Variants in ROBO2 observed in about 807,000 individuals in gnomAD.
The protein encoded by ROBO2 is roundabout homolog 2.
A neutral mutation model predicts 160.8 loss-of-function variants in ROBO2; 53 were observed. The ratio of observed to expected loss-of-function variants is 0.33; its 90% CI spans 0.26 to 0.41. The LOEUF is 0.41. Ranked by LOEUF, ROBO2 falls within the 10% of genes least tolerant of loss-of-function variation. ROBO2 has a pLI of 1.00. For missense variants in ROBO2, 1,577 were observed against 1,722.4 expected (o/e 0.92, Z 1.49); for synonymous variants, 664 against 611.7 (o/e 1.09, Z -1.26).
intron 2 of ROBO2, among the ~76,000 whole-genome samples, chr3:76,325,632 G>A (rs1481206979): frequency 6.6e-6 from 1 of 151,536 alleles, no homozygotes; most frequent in Non-Finnish European, 1.5e-5. Flanking sequence ...AGCAGGTGAT[G>A]TTGAATAAGT....
At chr3:77,298,787 A>T (rs978049186) in intron 2 of ROBO2, among the ~76,000 whole-genome samples, 4 of 152,280 alleles carry the variant, frequency 2.6e-5, no homozygotes, top group African/African-American at 9.6e-5. Flanking sequence ...TCCTGTGTGC[A>T]TGGGAGTGTG....
chr3:77,172,074 T>C (rs2079694074), intron 2 of ROBO2, among the ~76,000 whole-genome samples: 1 of 152,214 alleles, frequency 6.6e-6, no homozygotes, highest in South Asian at 2.1e-4. Flanking sequence ...ACAATAAGTA[T>C]AGTTTTATAC....
intron 2 of ROBO2, among the ~76,000 whole-genome samples, chr3:76,214,207 A>G (rs1018632933): frequency 3.3e-5 from 5 of 152,222 alleles, no homozygotes; most frequent in Admixed American, 1.3e-4. Context: ...GCATGATACA[A>G]CAGTCCATAC....
chr3:77,135,123 A>T (rs1007192468), intron 2 of ROBO2, among the ~76,000 whole-genome samples: 2 of 152,092 alleles, frequency 1.3e-5, no homozygotes, highest in Admixed American at 6.5e-5. Context: ...CAGCAATTAC[A>T]CCTCCTGACA....
chr3:77,041,111 T>C (rs1407540029), intron 1 of ROBO2, among the ~76,000 whole-genome samples: 1 of 152,220 alleles, frequency 6.6e-6, no homozygotes, highest in Non-Finnish European at 1.5e-5. Flanking sequence ...TAATAAATGA[T>C]TGGGCTCCCA....
At chr3:77,132,645 T>G (rs1318773148) in intron 2 of ROBO2, among the ~76,000 whole-genome samples, 1 of 151,960 alleles carries the variant, frequency 6.6e-6, no homozygotes, top group Non-Finnish European at 1.5e-5. Flanking sequence ...TGCAAATAGA[T>G]GAGTAGAAGT....
intron 2 of ROBO2, among the ~76,000 whole-genome samples, chr3:76,404,907 G>A (rs908256187): frequency 4.6e-5 from 7 of 151,648 alleles, no homozygotes; most frequent in African/African-American, 1.7e-4. Flanking sequence ...CAAATATTCT[G>A]TCTTGTTTGA....
intron 2 of ROBO2, among the ~76,000 whole-genome samples, chr3:77,215,185 G>C (rs2084761600): frequency 6.6e-6 from 1 of 152,140 alleles, no homozygotes; most frequent in African/African-American, 2.4e-5. Flanking sequence ...TTTCCAACTT[G>C]GTTCCATTCT....
At chr3:76,633,793 T>C (rs1224331015) in intron 2 of ROBO2, among the ~76,000 whole-genome samples, 1 of 152,266 alleles carries the variant, frequency 6.6e-6, no homozygotes, top group Non-Finnish European at 1.5e-5. Context: ...AGAATGCTTA[T>C]GTAATTTAAT....
At position 76,756,166 on chromosome 3, in the gene ROBO2, A is replaced by T. The variant is rs1280109531; in HGVS notation, c.110-341848A>T. Among the ~76,000 whole-genome samples, 9 of 151,848 alleles carry T rather than the reference A, an allele frequency of 5.9e-5. No individual in the cohort carries two copies. The South Asian group carries it at 1.4e-3, about 24-fold the overall frequency. Reference sequence around the variant, plus strand: ...AGGCTCAAGAAAAAACTCTTGTCTCAAGCAAATATGTTACAGCGTTATTTT... The same window carrying T: ...AGGCTCAAGAAAAAACTCTTGTCTCTAGCAAATATGTTACAGCGTTATTTT... On this transcript the variant is annotated intron_variant, in intron 2 of 26. Coordinates refer to the ROBO2 transcript ENST00000487694.
intron 15 of ROBO2, among the ~76,000 whole-genome samples, chr3:77,579,280 T>A (rs1175944247): frequency 6.6e-6 from 1 of 152,120 alleles, no homozygotes; most frequent in Non-Finnish European, 1.5e-5. Context: ...CATCAATATC[T>A]AAAGACTTGC....
intron 6 of ROBO2, among the ~76,000 whole-genome samples, chr3:77,533,464 C>T (rs150997104): frequency 5.3e-5 from 8 of 152,284 alleles, no homozygotes; most frequent in South Asian, 2.1e-4. Flanking sequence ...CACTCTCCTC[C>T]GGAGACTGTC....
At chr3:77,554,025 C>T (rs997693097) in intron 8 of ROBO2, among the ~76,000 whole-genome samples, 10 of 151,848 alleles carry the variant, frequency 6.6e-5, no homozygotes, top group Non-Finnish European at 1.2e-4. Context: ...GAAGTCAATG[C>T]CTGGCTTTAA....
intron 2 of ROBO2, among the ~76,000 whole-genome samples, chr3:76,085,143 A>C (rs1420041246): frequency 1.3e-5 from 2 of 151,776 alleles, no homozygotes; most frequent in African/African-American, 2.4e-5. Context: ...ACACACACAT[A>C]CGTATATACA....
At chr3:76,842,463 T>C (rs754787498) in intron 2 of ROBO2, among the ~76,000 whole-genome samples, 2 of 152,230 alleles carry the variant, frequency 1.3e-5, no homozygotes, top group Non-Finnish European at 2.9e-5. Context: ...ACTGTGAGTG[T>C]AGACAAATCT....
At chr3:76,920,774 C>T (rs1333234672) in intron 2 of ROBO2, among the ~76,000 whole-genome samples, 1 of 152,060 alleles carries the variant, frequency 6.6e-6, no homozygotes, top group Non-Finnish European at 1.5e-5. Context: ...AAACTTTTGA[C>T]AAGAAGAGGC....
At chr3:77,074,422 A>C (rs2067731468) in intron 1 of ROBO2, among the ~76,000 whole-genome samples, 1 of 152,206 alleles carries the variant, frequency 6.6e-6, no homozygotes, top group African/African-American at 2.4e-5. Context: ...ACACTAATGC[A>C]ATTAGTACAT....
intron 2 of ROBO2, among the ~76,000 whole-genome samples, chr3:77,315,400 G>C (rs1022781250): frequency 2.6e-5 from 4 of 152,166 alleles, no homozygotes; most frequent in Admixed American, 2.6e-4. Context: ...ACAAGTCTGG[G>C]CTTTACTTAA....
chr3:76,925,792 A>T (rs1278415453), intron 2 of ROBO2, among the ~76,000 whole-genome samples: 1 of 152,320 alleles, frequency 6.6e-6, no homozygotes, highest in South Asian at 2.1e-4. Flanking sequence ...ACAAGTTGTC[A>T]TCTGATCATA....
Sources: gnomAD v4.1 joint callset for allele counts (sites outside exome capture counted in the v4.1 genomes callset) on GRCh38, gnomAD v4.1.1 for gene constraint, MANE v1.5 for transcripts, NCBI Gene and HGNC (gene_info 2026-07-23, HGNC 2026-07-21) for gene names.